Variants in SLAIN2 observed in about 807,000 individuals in gnomAD.
SLAIN2 encodes the protein SLAIN motif-containing protein 2.
SLAIN2 carries 31 observed loss-of-function variants against 56.6 expected under a neutral mutation model. That is an observed-to-expected ratio of 0.55 (90% confidence interval 0.41 to 0.74). The LOEUF (loss-of-function observed/expected upper bound fraction) is 0.74. Ranked by LOEUF, SLAIN2 falls within the 30% of genes least tolerant of loss-of-function variation. The probability of loss-of-function intolerance (pLI) is 0.00; values close to 1 mark genes in which losing one functional copy is unlikely to be tolerated. For missense variants in SLAIN2, 777 were observed against 754.2 expected (o/e 1.03, Z -0.35); for synonymous variants, 317 against 284.9 (o/e 1.11, Z -1.13).
intron 1 of SLAIN2, among the ~76,000 whole-genome samples, chr4:48,369,472 A>G (rs1373648989): frequency 1.3e-5 from 2 of 152,172 alleles, no homozygotes; most frequent in African/African-American, 2.4e-5. Context: ...GGGAAGGGAA[A>G]TAGGTGGAGA....
chr4:48,343,042 A>G (rs1714769085), intron 1 of SLAIN2, among the ~76,000 whole-genome samples: 1 of 152,174 alleles, frequency 6.6e-6, no homozygotes, highest in Non-Finnish European at 1.5e-5. Context: ...ATTTGTCTTA[A>G]TTCATTTTTC....
intron 1 of SLAIN2, among the ~76,000 whole-genome samples, chr4:48,364,730 C>T (rs1172058770): frequency 3.7e-5 from 5 of 136,846 alleles, no homozygotes; most frequent in East Asian, 2.1e-4. Flanking sequence ...TCAGGCGTGG[C>T]GGCGCGTGCC....
chr4:48,358,357 T>C (rs1715220016), intron 1 of SLAIN2, among the ~76,000 whole-genome samples: 1 of 151,988 alleles, frequency 6.6e-6, no homozygotes, highest in Non-Finnish European at 1.5e-5. Context: ...TTCACTCTTG[T>C]TGCCCATGCT....
intron 1 of SLAIN2, among the ~76,000 whole-genome samples, chr4:48,367,683 T>A (rs1715555451): frequency 6.6e-6 from 1 of 152,162 alleles, no homozygotes; most frequent in Admixed American, 6.5e-5. Flanking sequence ...GTTGTATTCA[T>A]TTAGTTTGTA....
Position 48,405,417 on chromosome 4 carries a change from C to T in SLAIN2, c.1361-14708C>T, listed in dbSNP as rs952670074. On this transcript the variant is annotated intron_variant, in intron 6 of 7. Coordinates refer to ENST00000264313, the MANE Select transcript of SLAIN2 (RefSeq NM_020846.2). ...TTTATCGTTTTCTTCCATTTCTTTT[C>T]TCTCTCTCTCTCTCTCATTGTTTGT... Among the ~76,000 whole-genome samples, 5 of 149,314 alleles carry T rather than the reference C, an allele frequency of 3.3e-5. No homozygotes were observed. The East Asian group carries it at 5.9e-4, about 18-fold the overall frequency.
At chr4:48,396,137 A>C (rs1716379931) in intron 6 of SLAIN2, among the ~76,000 whole-genome samples, 1 of 152,106 alleles carries the variant, frequency 6.6e-6, no homozygotes, top group Non-Finnish European at 1.5e-5. Flanking sequence ...TAGGGGTTAC[A>C]TTATTTTTAT....
At chr4:48,400,243 T>G (rs1365867304) in intron 6 of SLAIN2, among the ~76,000 whole-genome samples, 1 of 152,158 alleles carries the variant, frequency 6.6e-6, no homozygotes, top group African/African-American at 2.4e-5. Flanking sequence ...AGGGTGTATG[T>G]GTCCAGGAAT....
chr4:48,348,630 C>T (rs1369955569), intron 1 of SLAIN2, among the ~76,000 whole-genome samples: 1 of 146,818 alleles, frequency 6.8e-6, no homozygotes, highest in Non-Finnish European at 1.5e-5. Flanking sequence ...GCAGAGGTTG[C>T]AGTGAGCTGA....
chr4:48,399,620 GTAT>G (rs999311825), intron 6 of SLAIN2, among the ~76,000 whole-genome samples: 26 of 152,146 alleles, frequency 1.7e-4, no homozygotes, highest in African/African-American at 6.0e-4. Flanking sequence ...TGCCCATTCA[GTAT>G]GATATTGGCT....
At chr4:48,347,539 G>A (rs1714901804) in intron 1 of SLAIN2, among the ~76,000 whole-genome samples, 1 of 152,146 alleles carries the variant, frequency 6.6e-6, no homozygotes, top group Non-Finnish European at 1.5e-5. Flanking sequence ...GTGAGCCATC[G>A]TGCTCAGCTC....
chr4:48,374,919 G>T (rs1265624495), intron 2 of SLAIN2, among the ~76,000 whole-genome samples: 1 of 152,188 alleles, frequency 6.6e-6, no homozygotes, highest in East Asian at 1.9e-4. Context: ...TTAGTGCGAA[G>T]ATCATGAGTT....
intron 6 of SLAIN2, among the ~76,000 whole-genome samples, chr4:48,399,424 G>A (rs1021784715): frequency 1.2e-4 from 19 of 152,128 alleles, no homozygotes; most frequent in Middle Eastern, 3.4e-3. Flanking sequence ...GGGGTTTTCT[G>A]GATATAGAAT....
intron 4 of SLAIN2, among the ~76,000 whole-genome samples, chr4:48,380,218 C>T (rs1445381386): frequency 6.6e-6 from 1 of 152,032 alleles, no homozygotes; most frequent in African/African-American, 2.4e-5. Flanking sequence ...TTTTCGGTTG[C>T]TCCCCTAAGG....
chr4:48,376,619 CTTTTTTTTT>C (rs556187877), intron 2 of SLAIN2, among the ~76,000 whole-genome samples: 1 of 107,564 alleles, frequency 9.3e-6, no homozygotes, highest in Non-Finnish European at 1.8e-5. Context: ...TTCAGGTTGA[CTTTTTTTTT>C]TTTTTTTTTT....
Position 48,341,537 on chromosome 4 carries a change from A to AT in SLAIN2, c.-203_-202insT. The AT allele has an allele frequency of 3.0e-6, 2 of 671,110 alleles. No individual in the cohort carries two copies. Among genetic ancestry groups the AT allele is most frequent in the South Asian group, 3.4e-5 (1 of 29,188 alleles). The allele number at this position is 671,110 out of a possible 1,614,324, so 41.6% of individuals were successfully genotyped here. On this transcript the variant is annotated 5_prime_UTR_variant, in exon 1 of 8. The change creates a new upstream start codon in the 5' untranslated region. Transcript: ENST00000264313. ...TTGGCGCCGCCTCCCCCAATCCCGGAGCCGGCGCAGATGAGGCAGTTCGGC... is the reference window on the plus strand; with the variant it reads ...TTGGCGCCGCCTCCCCCAATCCCGGATGCCGGCGCAGATGAGGCAGTTCGGC...
chr4:48,409,761 G>A (rs1380224873), intron 6 of SLAIN2, among the ~76,000 whole-genome samples: 1 of 152,130 alleles, frequency 6.6e-6, no homozygotes, highest in Non-Finnish European at 1.5e-5. Flanking sequence ...GTGGGCGCCT[G>A]TAACCTCAGC....
chr4:48,365,464 AAG>A (rs1715490033), intron 1 of SLAIN2, among the ~76,000 whole-genome samples: 1 of 150,910 alleles, frequency 6.6e-6, no homozygotes, highest in Admixed American at 6.6e-5. Context: ...AAAAAAAAAA[AAG>A]CACTTTTTCC....
chr4:48,406,302 A>G (rs537285796), intron 6 of SLAIN2, among the ~76,000 whole-genome samples: 1 of 152,130 alleles, frequency 6.6e-6, no homozygotes, highest in African/African-American at 2.4e-5. Context: ...GTGTTTGTAT[A>G]TTTTTTTAAT....
At chr4:48,400,332 C>T (rs190648671) in intron 6 of SLAIN2, among the ~76,000 whole-genome samples, 2 of 148,604 alleles carry the variant, frequency 1.3e-5, no homozygotes, top group East Asian at 3.9e-4. Flanking sequence ...TTGTATTTCT[C>T]TTGGGTCACT....
Sources: gnomAD v4.1 joint callset for allele counts (sites outside exome capture counted in the v4.1 genomes callset) on GRCh38, gnomAD v4.1.1 for gene constraint, MANE v1.5 for transcripts, NCBI Gene and HGNC (gene_info 2026-07-23, HGNC 2026-07-21) for gene names.